The following KPNA3 variants were observed in gnomAD, a reference collection of about 807,000 sequenced individuals.
KPNA3 encodes the protein karyopherin subunit alpha 3, also known as importin subunit alpha-4.
A neutral mutation model predicts 73.8 loss-of-function variants in KPNA3; 13 were observed. The ratio of observed to expected loss-of-function variants is 0.18; its 90% confidence interval spans 0.11 to 0.28. The LOEUF (loss-of-function observed/expected upper bound fraction) is 0.28. Among genes scored for constraint, KPNA3 ranks in the 10% least tolerant of loss-of-function variants. The probability of loss-of-function intolerance (pLI) is 1.00; values close to 1 mark genes in which losing one functional copy is unlikely to be tolerated. For synonymous variants in KPNA3, 186 were observed against 206.9 expected (o/e 0.90, Z 0.87); for missense variants, 360 against 618.1 (o/e 0.58, Z 4.43).
intron 10 of KPNA3, among the ~76,000 whole-genome samples, chr13:49,715,508 A>G (rs1954296181): frequency 6.6e-6 from 1 of 152,228 alleles, no homozygotes; most frequent in Admixed American, 6.5e-5. Context: ...AACACACTCT[A>G]TTGGCAAGGA....
chr13:49,742,435 C>T (rs1403679427), intron 2 of KPNA3, among the ~76,000 whole-genome samples: 3 of 151,822 alleles, frequency 2.0e-5, no homozygotes, highest in Non-Finnish European at 4.4e-5. Flanking sequence ...CCAAGTAAGC[C>T]GTAGAAAGCA....
chr13:49,722,699 T>TA, intron 7 of KPNA3, 136 bp from the exon 8 acceptor site: 1 of 547,610 alleles, frequency 1.8e-6, no homozygotes, highest in Non-Finnish European at 3.2e-6. Flanking sequence ...ATCTTTACCC[T>TA]AAAAAGAATC....
intron 2 of KPNA3, 102 bp downstream of exon 2, chr13:49,746,847 G>A: frequency 1.3e-6 from 1 of 787,810 alleles, no homozygotes; most frequent in South Asian, 1.6e-5. Context: ...TGGTTTTAGG[G>A]ATGACCACTA....
chr13:49,714,343 A>G (rs1453993697), intron 10 of KPNA3, among the ~76,000 whole-genome samples: 1 of 152,192 alleles, frequency 6.6e-6, no homozygotes, highest in African/African-American at 2.4e-5. Flanking sequence ...TTAATTAGAA[A>G]AGAGCAGGGA....
intron 1 of KPNA3, among the ~76,000 whole-genome samples, chr13:49,758,045 A>G (rs1187503171): frequency 2.0e-5 from 3 of 152,108 alleles, no homozygotes; most frequent in Non-Finnish European, 4.4e-5. Context: ...GCTGAGGGGG[A>G]AGGAAAAGAG....
intron 2 of KPNA3, among the ~76,000 whole-genome samples, chr13:49,739,459 G>GA (rs1203708430): frequency 3.3e-5 from 5 of 151,578 alleles, no homozygotes; most frequent in Non-Finnish European, 5.9e-5. Flanking sequence ...ACAATGTGAT[G>GA]AAAAAAAAGA....
intron 1 of KPNA3, among the ~76,000 whole-genome samples, chr13:49,770,962 G>A (rs1191159432): frequency 1.3e-5 from 2 of 151,708 alleles, no homozygotes; most frequent in Non-Finnish European, 2.9e-5. Context: ...GTATCACACA[G>A]TCTTAATTAC....
At chr13:49,790,624 A>G (rs1429949809) in intron 1 of KPNA3, among the ~76,000 whole-genome samples, 1 of 152,254 alleles carries the variant, frequency 6.6e-6, no homozygotes, top group Non-Finnish European at 1.5e-5. Flanking sequence ...TAGAATCCCG[A>G]GAAATGTAAT....
chr13:49,787,921 C>A (rs1446701016), intron 1 of KPNA3, among the ~76,000 whole-genome samples: 1 of 152,120 alleles, frequency 6.6e-6, no homozygotes, highest in Non-Finnish European at 1.5e-5. Flanking sequence ...CTCGGGTGAT[C>A]CACCTGCCTC....
chr13:49,712,371 T>C (rs559877738), intron 10 of KPNA3, among the ~76,000 whole-genome samples: 4 of 151,666 alleles, frequency 2.6e-5, no homozygotes, highest in South Asian at 4.1e-4. Context: ...TGAACAATTA[T>C]GAACACATTT....
intron 10 of KPNA3, among the ~76,000 whole-genome samples, chr13:49,715,239 G>A (rs1458688773): frequency 6.6e-6 from 1 of 151,954 alleles, no homozygotes; most frequent in African/African-American, 2.4e-5. Flanking sequence ...AAAGACAAAA[G>A]ACAAACTAGG....
At chr13:49,731,251 T>TG (rs1223812012) in intron 6 of KPNA3, among the ~76,000 whole-genome samples, 2 of 121,150 alleles carry the variant, frequency 1.7e-5, no homozygotes, top group Non-Finnish European at 3.3e-5. Flanking sequence ...ATTTTCGTGT[T>TG]TTTTTTTTTT....
At chr13:49,751,741 C>T (rs1441715139) in intron 1 of KPNA3, among the ~76,000 whole-genome samples, 1 of 152,056 alleles carries the variant, frequency 6.6e-6, no homozygotes, top group Non-Finnish European at 1.5e-5. Flanking sequence ...AGACCTGTCT[C>T]TACAAAAAAA....
chr13:49,738,640 G>T (rs1024577745), intron 2 of KPNA3, among the ~76,000 whole-genome samples: 7 of 151,626 alleles, frequency 4.6e-5, no homozygotes, highest in Admixed American at 3.9e-4. Flanking sequence ...TTTTAATTTT[G>T]GTTTCTGCAT....
chr13:49,747,060 A>C, intron 1 of KPNA3, 67 bp from the exon 2 acceptor site: 14 of 1,192,074 alleles, frequency 1.2e-5, no homozygotes, highest in Non-Finnish European at 1.7e-5. Context: ...TAAAGATCTC[A>C]GCTGGGTGCA....
chr13:49,733,282 GTTTTTTTTTTTT>G (rs760449062), intron 2 of KPNA3, among the ~76,000 whole-genome samples: 4 of 100,920 alleles, frequency 4.0e-5, no homozygotes, highest in Non-Finnish European at 5.8e-5. Context: ...CCACTGTGGT[GTTTTTTTTTTTT>G]TTTTTTTTTG....
At chr13:49,747,367 A>G (rs965418624) in intron 1 of KPNA3, among the ~76,000 whole-genome samples, 4 of 151,746 alleles carry the variant, frequency 2.6e-5, no homozygotes, top group African/African-American at 2.4e-5. Context: ...AGAAGAAGAA[A>G]AAAAAAAACT....
In KPNA3 at chr13:49,701,465, T is replaced by G. The variant is rs1282025119; in HGVS notation, c.*335A>C. The G allele has an allele frequency of 1.4e-5, 7 of 483,380 alleles. No individual in the cohort carries two copies. The highest frequency in any genetic ancestry group is 3.0e-5 in the Non-Finnish European group (7 of 235,408). The allele number at this position is 483,380 out of a possible 1,614,324, so 29.9% of individuals were successfully genotyped here. On this transcript the variant is annotated 3_prime_UTR_variant, in exon 17 of 17. Coordinates refer to ENST00000261667, the MANE Select transcript of KPNA3 (RefSeq NM_002267.4). ...GCACCATTTTCCAAAGGAGTATCAG[T>G]GGGCAGCTGACATGTCACCACTATG... is the stretch of plus-strand genomic sequence containing the variant.
At chr13:49,731,087 T>C (rs1954464320) in intron 6 of KPNA3, among the ~76,000 whole-genome samples, 1 of 149,998 alleles carries the variant, frequency 6.7e-6, no homozygotes, top group Admixed American at 6.6e-5. Context: ...GCCGAATTTA[T>C]TTTTTGAGTC....
Sources: gnomAD v4.1 joint callset for allele counts (sites outside exome capture counted in the v4.1 genomes callset) on GRCh38, gnomAD v4.1.1 for gene constraint, MANE v1.5 for transcripts, NCBI Gene and HGNC (gene_info 2026-07-23, HGNC 2026-07-21) for gene names.